The following TMEM114 variants were observed in gnomAD, a reference collection of about 807,000 sequenced individuals.
TMEM114 encodes the protein transmembrane protein 114.
A neutral mutation model predicts 6.2 loss-of-function variants in TMEM114; 6 were observed. That is an observed-to-expected ratio of 0.97 (90% CI 0.53 to 1.91). The LOEUF (loss-of-function observed/expected upper bound fraction) is 1.91. TMEM114 is among the 40% of genes most tolerant of loss of function. The pLI, the probability that TMEM114 is intolerant of heterozygous loss-of-function variation, is 0.01. For synonymous variants in TMEM114, 104 were observed against 73.0 expected (o/e 1.42, Z -2.16); for missense variants, 218 against 158.3 (o/e 1.38, Z -2.02).
chr16:8,556,648 C>T (rs968564007), intron 2 of TMEM114, among the ~76,000 whole-genome samples: 5 of 151,898 alleles, frequency 3.3e-5, no homozygotes, highest in African/African-American at 7.3e-5. Context: ...ATTACAGGTA[C>T]CCGCCATCAC....
chr16:8,556,089 ATC>A (rs1400553533), intron 2 of TMEM114, among the ~76,000 whole-genome samples: 3 of 152,098 alleles, frequency 2.0e-5, no homozygotes, highest in African/African-American at 7.2e-5. Context: ...CTCATATTTC[ATC>A]TGAGAACCCG....
downstream of TMEM114, among the ~76,000 whole-genome samples, chr16:8,534,353 A>G (rs1900295111): frequency 4.5e-5 from 1 of 22,228 alleles, no homozygotes; most frequent in African/African-American, 2.2e-4. Flanking sequence ...TGCTTATTTG[A>G]AAAAAAAAAA....
intron 2 of TMEM114, among the ~76,000 whole-genome samples, chr16:8,562,566 GAGTGAATGAGTGAGGAAATAAGTA>G (rs1382310347): frequency 1.3e-5 from 2 of 150,220 alleles, no homozygotes; most frequent in African/African-American, 5.0e-5. Context: ...GTCAATGAGT[GAGTGAATGAGTGAGGAAATAAGTA>G]AGTGAATGAG....
At chr16:8,556,200 A>G (rs1383107534) in intron 2 of TMEM114, among the ~76,000 whole-genome samples, 2 of 151,736 alleles carry the variant, frequency 1.3e-5, no homozygotes, top group Non-Finnish European at 2.9e-5. Context: ...CTCTGCCCAC[A>G]TTCTCTCATC....
intron 2 of TMEM114, among the ~76,000 whole-genome samples, chr16:8,544,766 G>A (rs1307405675): frequency 6.6e-6 from 1 of 152,184 alleles, no homozygotes; most frequent in African/African-American, 2.4e-5. Context: ...GTTCAGTGAT[G>A]CGTTTAAATT....
At chr16:8,578,312 T>C (rs990161307) in intron 2 of TMEM114, among the ~76,000 whole-genome samples, 4 of 152,102 alleles carry the variant, frequency 2.6e-5, no homozygotes, top group Admixed American at 2.6e-4. Context: ...TTGATGGTTC[T>C]AGGGGAGAAT....
At chr16:8,558,686 T>C (rs1192868868) in intron 2 of TMEM114, among the ~76,000 whole-genome samples, 2 of 151,338 alleles carry the variant, frequency 1.3e-5, no homozygotes, top group Non-Finnish European at 2.9e-5. Context: ...TCACCCCACC[T>C]CTCAGGGCCC....
the TMEM114 span, among the ~76,000 whole-genome samples, chr16:8,528,058 G>A: frequency 1.3e-5 from 2 of 151,988 alleles, no homozygotes; most frequent in African/African-American, 2.4e-5. Context: ...ACAGGCATGT[G>A]CCACCATGCC....
At chr16:8,587,974 A>T (rs1314329169) in intron 2 of TMEM114, among the ~76,000 whole-genome samples, 1 of 151,752 alleles carries the variant, frequency 6.6e-6, no homozygotes, top group Non-Finnish European at 1.5e-5. Context: ...CATAGTAACT[A>T]TGTTTCCTAT....
rs1440532111 is a variant in TMEM114 at position 8,563,012 on chromosome 16, ATGAG to A, written n.213-25190_213-25187del. 1.4e-3 allele frequency among the ~76,000 whole-genome samples: 165 copies of A among 114,256 alleles called. 2 individuals are homozygous for A. The highest frequency in any genetic ancestry group is 6.5e-3 in the Middle Eastern group (1 of 154). 75.0% of individuals were successfully genotyped at this position (114,256 alleles called of 152,430 possible). On this transcript the variant is annotated intron_variant and non_coding_transcript_variant, in intron 2 of 2. Transcript: ENST00000623677. The stretch of plus-strand genomic sequence containing the variant: ...AGTGAGTGAATGAGTGAGTGAATGA[ATGAG>A]TGAGTGAGGGAATGAGTGAGTGAAT...
intron 2 of TMEM114, among the ~76,000 whole-genome samples, chr16:8,540,994 G>C (rs1181983001): frequency 1.3e-5 from 2 of 152,182 alleles, no homozygotes; most frequent in Non-Finnish European, 2.9e-5. Flanking sequence ...AAGAAGTCCA[G>C]AGTTGCCAGA....
chr16:8,587,261 A>G (rs1320593793), intron 2 of TMEM114, among the ~76,000 whole-genome samples: 15 of 152,210 alleles, frequency 9.9e-5, no homozygotes, highest in African/African-American at 3.6e-4. Flanking sequence ...CACCTACAAT[A>G]TAATATAATT....
downstream of TMEM114, among the ~76,000 whole-genome samples, chr16:8,535,483 G>T (rs747434183): frequency 6.6e-6 from 1 of 152,052 alleles, no homozygotes; most frequent in South Asian, 2.1e-4. Flanking sequence ...ATGAATAATT[G>T]CAGTTTGGGG....
At chr16:8,571,313 A>G (rs535459430) in intron 3 of TMEM114, among the ~76,000 whole-genome samples, 7 of 152,252 alleles carry the variant, frequency 4.6e-5, no homozygotes, top group African/African-American at 1.4e-4. Context: ...TTAATTGACA[A>G]GTAAAAATTG....
chr16:8,526,558 T>A, the TMEM114 span: 3 of 152,090 alleles, frequency 2.0e-5, no homozygotes, highest in African/African-American at 7.2e-5. Context: ...ATTGTTCTGA[T>A]AGAGCCAATA....
intron 2 of TMEM114, among the ~76,000 whole-genome samples, chr16:8,547,392 C>CTT (rs1382227815): frequency 1.4e-5 from 2 of 144,562 alleles, no homozygotes; most frequent in African/African-American, 5.2e-5. Flanking sequence ...TTCTTTCTTT[C>CTT]TTTCTTTTTT....
At chr16:8,566,763 C>T (rs1053272624), downstream of TMEM114, among the ~76,000 whole-genome samples, 1 of 152,178 alleles carries the variant, frequency 6.6e-6, no homozygotes, top group Non-Finnish European at 1.5e-5. Context: ...CTGTCACCTG[C>T]CTGGTCTGCA....
chr16:8,543,159 C>T (rs1410045568), intron 2 of TMEM114, among the ~76,000 whole-genome samples: 1 of 152,160 alleles, frequency 6.6e-6, no homozygotes, highest in Non-Finnish European at 1.5e-5. Flanking sequence ...AGCAAAGAAA[C>T]TTAGGATCAG....
intron 2 of TMEM114, among the ~76,000 whole-genome samples, chr16:8,587,509 G>C (rs879131104): frequency 3.3e-5 from 5 of 152,046 alleles, no homozygotes; most frequent in African/African-American, 1.2e-4. Context: ...GATTCCAGGT[G>C]GAGGGAACAG....
Sources: allele counts gnomAD v4.1 joint callset (sites outside exome capture counted in the v4.1 genomes callset), GRCh38; gene constraint gnomAD v4.1.1; transcripts MANE v1.5; gene names NCBI Gene and HGNC (gene_info 2026-07-23, HGNC 2026-07-21).